The following POTEJ variants were observed in gnomAD, a reference collection of about 807,000 sequenced individuals.
POTEJ encodes POTE ankyrin domain family member J.
Under a neutral mutation model 69.0 loss-of-function variants are expected in POTEJ, and 11 were observed. The ratio of observed to expected loss-of-function variants is 0.16; its 90% CI spans 0.10 to 0.26. The LOEUF (loss-of-function observed/expected upper bound fraction) is 0.26, where lower values mean the gene tolerates loss of function less well. Ranked by LOEUF, POTEJ falls within the 10% of genes least tolerant of loss-of-function variation. The probability of loss-of-function intolerance (pLI) is 1.00; values close to 1 mark genes in which losing one functional copy is unlikely to be tolerated. For missense variants in POTEJ, 327 were observed against 1,045.5 expected, an observed-to-expected ratio of 0.31 and a Z score of 9.48; for synonymous variants, 117 against 381.1, an observed-to-expected ratio of 0.31 and a Z score of 8.07.
chr2:130,628,752 T>C (rs1326566921), intron 6 of POTEJ, among the ~76,000 whole-genome samples: 2 of 149,356 alleles, frequency 1.3e-5, no homozygotes, highest in East Asian at 1.9e-4. Flanking sequence ...ATAAGTGTGG[T>C]GGCTCACACC....
rs1203074814 is a variant in POTEJ at position 130,657,737 on chromosome 2, A to G, written c.2977A>G (p.Ile993Val). The change falls in exon 15 of 15, where the codon ATT becomes GTT. Residue 993 changes from isoleucine to valine, a missense_variant. Coordinates refer to ENST00000409602, the MANE Select transcript of POTEJ (RefSeq NM_001277083.2). The stretch of plus-strand genomic sequence containing the variant: ...GCCTAGCATGATGAAGATCAGGATC[A>G]TTGCTCCTCCCAAGCGCAAGTACTC... ...LAPSMMKIRI[I>V]APPKRKYSVW... 2.2e-6 allele frequency: 3 copies of G among 1,352,252 alleles called. No individual in the cohort carries two copies. The East Asian group carries it at 7.3e-5, about 33-fold the overall frequency. The allele number at this position is 1,352,252 out of a possible 1,614,324, so 83.8% of individuals were successfully genotyped here.
chr2:130,652,903 G>C (rs1686862669), intron 13 of POTEJ, among the ~76,000 whole-genome samples: 1 of 138,098 alleles, frequency 7.2e-6, no homozygotes, highest in South Asian at 2.3e-4. Context: ...ACTTTCCAAT[G>C]GAATTATTTG....
At chr2:130,639,068 A>G (rs1188807958) in intron 10 of POTEJ, among the ~76,000 whole-genome samples, 1 of 152,304 alleles carries the variant, frequency 6.6e-6, no homozygotes, top group African/African-American at 2.4e-5. Flanking sequence ...ATGAGTATCT[A>G]ATGCTATCAC....
At chr2:130,656,474 A>G (rs2105268022) in intron 14 of POTEJ, 75 bp from the exon 15 acceptor site, 1 of 1,531,776 alleles carries the variant, frequency 6.5e-7, no homozygotes, top group East Asian at 2.2e-5. Context: ...AATACATGTT[A>G]TTTTTGAATT....
intron 10 of POTEJ, among the ~76,000 whole-genome samples, chr2:130,639,460 C>T (rs1341937395): frequency 6.6e-6 from 1 of 152,288 alleles, no homozygotes; most frequent in Non-Finnish European, 1.5e-5. Flanking sequence ...GTCATGATAA[C>T]AGTAATTTTG....
chr2:130,647,043 G>T (rs575537909), intron 13 of POTEJ, among the ~76,000 whole-genome samples: 1,834 of 149,118 alleles, frequency 0.012, 10 homozygotes, highest in African/African-American at 0.044. Flanking sequence ...ATTTATTATA[G>T]TATTATTATG....
chr2:130,655,395 A>G (rs1393689504), intron 14 of POTEJ, among the ~76,000 whole-genome samples: 2 of 152,326 alleles, frequency 1.3e-5, no homozygotes, highest in South Asian at 2.1e-4. Flanking sequence ...AGAGAAGTCA[A>G]TTGATTATTT....
chr2:130,642,824 T>G (rs867816934), intron 10 of POTEJ, among the ~76,000 whole-genome samples: 67 of 151,902 alleles, frequency 4.4e-4, no homozygotes, highest in African/African-American at 1.6e-3. Context: ...CAGGCCTCGC[T>G]CCCGCTCTTG....
At chr2:130,650,208 T>C (rs1686759205) in intron 13 of POTEJ, among the ~76,000 whole-genome samples, 4 of 152,276 alleles carry the variant, frequency 2.6e-5, no homozygotes, top group South Asian at 2.1e-4. Flanking sequence ...AACATCATCA[T>C]TTTTTAGAGT....
rs1458782513 is a variant in POTEJ at position 130,646,983 on chromosome 2, G to A, written c.1667+673G>A. On this transcript the variant is annotated intron_variant, in intron 13 of 14. Coordinates refer to ENST00000409602, the MANE Select transcript of POTEJ (RefSeq NM_001277083.2). ...AACAGAGTAAGCATATATAATACAT[G>A]TAAAGGATATTTGTATAGATATGTT... is the stretch of plus-strand genomic sequence containing the variant. Among the ~76,000 whole-genome samples the A allele has an allele frequency of 4.7e-5, 7 of 149,474 alleles. 1 individual carries two copies. Among genetic ancestry groups the A allele is most frequent in the African/African-American group, 1.8e-4 (7 of 38,954 alleles).
At chr2:130,630,483 A>G (rs979926486) in intron 7 of POTEJ, among the ~76,000 whole-genome samples, 3 of 133,724 alleles carry the variant, frequency 2.2e-5, no homozygotes, top group African/African-American at 9.3e-5. Context: ...ATGGTCCCTG[A>G]GCTGGATTCA....
At chr2:130,613,409 T>TATATAC (rs1348912372) in intron 1 of POTEJ, among the ~76,000 whole-genome samples, 16 of 143,606 alleles carry the variant, frequency 1.1e-4, no homozygotes, top group African/African-American at 3.7e-4. Flanking sequence ...TATATATATA[T>TATATAC]ACTTTTTTTT....
chr2:130,651,795 C>T (rs1686815095), intron 13 of POTEJ, among the ~76,000 whole-genome samples: 1 of 145,106 alleles, frequency 6.9e-6, no homozygotes, highest in African/African-American at 2.6e-5. Flanking sequence ...ATTTTTATCT[C>T]ATTAAAAAGT....
intron 1 of POTEJ, among the ~76,000 whole-genome samples, chr2:130,613,392 A>ATATATG (rs1685311683): frequency 7.2e-6 from 1 of 139,390 alleles, no homozygotes; most frequent in Non-Finnish European, 1.5e-5. Flanking sequence ...GTGTATATAT[A>ATATATG]TATATATATA....
intron 1 of POTEJ, among the ~76,000 whole-genome samples, chr2:130,613,257 C>CATAT (rs1416609904): frequency 1.0e-5 from 1 of 99,094 alleles, no homozygotes. Context: ...TATATATACA[C>CATAT]ATATATACAT....
At chr2:130,653,272 C>A (rs1686874934) in intron 13 of POTEJ, among the ~76,000 whole-genome samples, 1 of 140,736 alleles carries the variant, frequency 7.1e-6, no homozygotes. Context: ...TATTGAATAA[C>A]CTGTACTTTC....
intron 10 of POTEJ, among the ~76,000 whole-genome samples, chr2:130,642,417 C>A (rs1356136999): frequency 1.7e-5 from 2 of 117,360 alleles, no homozygotes; most frequent in Non-Finnish European, 3.5e-5. Flanking sequence ...TCTTCCCAAA[C>A]CAAATATTTA....
In POTEJ at chr2:130,651,810, A is replaced by G. The variant is rs574370352; in HGVS notation, c.1668-3111A>G. 6.2e-5 allele frequency among the ~76,000 whole-genome samples: 9 copies of G among 145,734 alleles called. No individual in the cohort carries two copies. The East Asian group carries it at 1.7e-3, about 28-fold the overall frequency. Reference sequence around the variant, plus strand: ...ATTTTTATCTCATTAAAAAGTTGTTACAATTTTCTGCTGGCAAATCTAGCT... The same window carrying G: ...ATTTTTATCTCATTAAAAAGTTGTTGCAATTTTCTGCTGGCAAATCTAGCT... On this transcript the variant is annotated intron_variant, in intron 13 of 14. Coordinates refer to ENST00000409602, the MANE Select transcript of POTEJ (RefSeq NM_001277083.2).
Position 130,657,447 on chromosome 2 carries a change from G to A in POTEJ, c.2687G>A (p.Ser896Asn), listed in dbSNP as rs778236594. The A allele has an allele frequency of 1.9e-6, 3 of 1,596,622 alleles. No homozygotes were observed. Among genetic ancestry groups the A allele is most frequent in the East Asian group, 2.2e-5 (1 of 44,866 alleles). ...FEQEMAMVAS[S>N]SSLEKSYELP... ...CAGGAGATGGCCATGGTGGCCTCCA[G>A]CTCCTCCCTAGAGAAGAGCTACGAG... Residue 896 changes from serine (S) to asparagine (N), a missense_variant, in exon 15 of 15, where the codon AGC (serine) becomes AAC (asparagine). Transcript: ENST00000409602.
Sources: allele counts gnomAD v4.1 joint callset (sites outside exome capture counted in the v4.1 genomes callset), GRCh38; gene constraint gnomAD v4.1.1; transcripts MANE v1.5; gene names NCBI Gene and HGNC (gene_info 2026-07-23, HGNC 2026-07-21).